Variants in LRRIQ3 observed in about 807,000 individuals in gnomAD.
LRRIQ3 encodes the protein leucine rich repeats and IQ motif containing 3.
LRRIQ3 carries 75 observed loss-of-function variants against 59.3 expected under a neutral mutation model. The observed-to-expected ratio is 1.26, with a 90% CI of 1.05 to 1.53. The LOEUF is 1.53. Ranked by LOEUF, LRRIQ3 falls within the 40% of genes most tolerant of loss-of-function variation. LRRIQ3 has a pLI of 0.00. For missense variants in LRRIQ3, 831 were observed against 710.0 expected, an observed-to-expected ratio of 1.17 and a Z score of -1.94; for synonymous variants, 250 against 231.3, an observed-to-expected ratio of 1.08 and a Z score of -0.73.
chr1:74,167,832 G>C (rs557024423), intron 3 of LRRIQ3, among the ~76,000 whole-genome samples: 1 of 151,332 alleles, frequency 6.6e-6, no homozygotes, highest in African/African-American at 2.4e-5. Context: ...ACACACACAC[G>C]AAAGAATTCC....
intron 7 of LRRIQ3, among the ~76,000 whole-genome samples, chr1:74,039,650 G>C (rs961785673): frequency 3.9e-5 from 6 of 152,124 alleles, no homozygotes; most frequent in Non-Finnish European, 7.4e-5. Context: ...TTAAAGAAAA[G>C]AATTTTCAAC....
intron 5 of LRRIQ3, among the ~76,000 whole-genome samples, chr1:74,091,287 T>A (rs1043182912): frequency 1.1e-4 from 17 of 152,128 alleles, no homozygotes; most frequent in Non-Finnish European, 7.4e-5. Flanking sequence ...TGGTGGTGAT[T>A]CAGTTTCTAG....
chr1:74,087,796 C>T (rs1035558074), intron 5 of LRRIQ3, among the ~76,000 whole-genome samples: 2 of 151,872 alleles, frequency 1.3e-5, no homozygotes, highest in Non-Finnish European at 2.9e-5. Context: ...ATCAGTATTT[C>T]TATAGGTAAA....
chr1:74,167,155 C>T (rs976965585), intron 3 of LRRIQ3, among the ~76,000 whole-genome samples: 1 of 151,886 alleles, frequency 6.6e-6, no homozygotes, highest in South Asian at 2.1e-4. Flanking sequence ...CACTTGCACA[C>T]AGATGTTTAG....
At chr1:74,171,757 G>A (rs2100700792) in intron 3 of LRRIQ3, among the ~76,000 whole-genome samples, 1 of 152,202 alleles carries the variant, frequency 6.6e-6, no homozygotes, top group South Asian at 2.1e-4. Flanking sequence ...TCTGACCCTG[G>A]ACTTTTCTCA....
chr1:74,180,844 T>G, intron 3 of LRRIQ3: 28 of 1,498,082 alleles, frequency 1.9e-5, no homozygotes, highest in Non-Finnish European at 2.4e-5. Context: ...AAAAAGGCCT[T>G]CCCCATCCAC....
intron 4 of LRRIQ3, among the ~76,000 whole-genome samples, chr1:74,139,955 G>A (rs1442889265): frequency 6.6e-6 from 1 of 151,766 alleles, no homozygotes; most frequent in Non-Finnish European, 1.5e-5. Context: ...CAAAACAGTA[G>A]AGGGGGAAAA....
chr1:74,180,833 C>A (rs1351826117), intron 3 of LRRIQ3: 2 of 1,535,872 alleles, frequency 1.3e-6, no homozygotes, highest in East Asian at 2.5e-5. Context: ...AAATATTCTT[C>A]AAAAAGGCCT....
chr1:74,154,095 G>T (rs1000978713), intron 4 of LRRIQ3, among the ~76,000 whole-genome samples: 3 of 151,724 alleles, frequency 2.0e-5, no homozygotes, highest in African/African-American at 7.3e-5. Context: ...TAAAAAATTA[G>T]CCGGGCGTGG....
chr1:74,035,845 C>T (rs908171514), intron 7 of LRRIQ3, among the ~76,000 whole-genome samples: 7 of 152,050 alleles, frequency 4.6e-5, no homozygotes, highest in African/African-American at 1.7e-4. Context: ...CTAGCTTTAC[C>T]TATTTTGAAC....
chr1:74,179,416 A>G (rs1186827352), intron 3 of LRRIQ3, among the ~76,000 whole-genome samples: 1 of 151,972 alleles, frequency 6.6e-6, no homozygotes, highest in Non-Finnish European at 1.5e-5. Context: ...AAATGAGCAT[A>G]TGCTTCTTTA....
intron 4 of LRRIQ3, among the ~76,000 whole-genome samples, chr1:74,141,982 T>TACACAC (rs66546682): frequency 8.0e-5 from 12 of 150,500 alleles, no homozygotes; most frequent in South Asian, 2.1e-4. Flanking sequence ...ATTCCATTTA[T>TACACAC]ACACACACAC....
chr1:74,079,843 A>G (rs1843023), intron 5 of LRRIQ3, among the ~76,000 whole-genome samples: 70,784 of 151,500 alleles, frequency 0.47, 18,215 homozygotes, highest in East Asian at 0.82. Flanking sequence ...ATTTTAAAAG[A>G]AACGTATAGC....
intron 3 of LRRIQ3, among the ~76,000 whole-genome samples, chr1:74,163,070 T>C (rs1301555251): frequency 6.6e-6 from 1 of 151,596 alleles, no homozygotes; most frequent in Non-Finnish European, 1.5e-5. Flanking sequence ...TGGATCACTA[T>C]ACACTATATA....
chr1:74,193,996 C>A (rs1190381566), intron 1 of LRRIQ3, among the ~76,000 whole-genome samples: 6 of 151,988 alleles, frequency 3.9e-5, no homozygotes. Flanking sequence ...TCTCTATTAA[C>A]AAAATAAAGA....
intron 5 of LRRIQ3, among the ~76,000 whole-genome samples, chr1:74,094,259 G>A (rs1456562357): frequency 1.3e-5 from 2 of 151,754 alleles, no homozygotes; most frequent in African/African-American, 4.9e-5. Flanking sequence ...ATTTTGAAGG[G>A]ACACATTCAG....
chr1:74,070,235 C>T (rs1654984765), intron 6 of LRRIQ3, among the ~76,000 whole-genome samples: 1 of 152,034 alleles, frequency 6.6e-6, no homozygotes, highest in South Asian at 2.1e-4. Flanking sequence ...CCTAGATGAC[C>T]ATCAATGGTA....
At chr1:74,072,490 CAT>C (rs890444866) in intron 6 of LRRIQ3, among the ~76,000 whole-genome samples, 33 of 149,842 alleles carry the variant, frequency 2.2e-4, no homozygotes, top group African/African-American at 4.1e-4. Flanking sequence ...CTTTTGTGCT[CAT>C]ATATATATAT....
At chr1:74,080,013 T>C (rs1338056187) in intron 5 of LRRIQ3, among the ~76,000 whole-genome samples, 1 of 151,730 alleles carries the variant, frequency 6.6e-6, no homozygotes, top group Admixed American at 6.6e-5. Context: ...ATTCTCTGAA[T>C]TTAGATTCTC....
Sources: gnomAD v4.1 joint callset for allele counts (sites outside exome capture counted in the v4.1 genomes callset) on GRCh38, gnomAD v4.1.1 for gene constraint, MANE v1.5 for transcripts, NCBI Gene and HGNC (gene_info 2026-07-23, HGNC 2026-07-21) for gene names.